The following SLC16A9 variants were observed in gnomAD, a reference collection of about 807,000 sequenced individuals.
The protein encoded by SLC16A9 is solute carrier family 16 member 9, also known as monocarboxylate transporter 9.
Under a neutral mutation model 44.3 loss-of-function variants are expected in SLC16A9, and 26 were observed. That is an observed-to-expected ratio of 0.59 (90% CI 0.43 to 0.81). The LOEUF (loss-of-function observed/expected upper bound fraction) is 0.81, where lower values mean the gene tolerates loss of function less well. SLC16A9 is among the 40% of genes least tolerant of loss of function. SLC16A9 has a pLI of 0.00. For missense variants in SLC16A9, 559 were observed against 595.8 expected (o/e 0.94, Z 0.64); for synonymous variants, 230 against 225.1 (o/e 1.02, Z -0.19).
At chr10:59,707,455 G>C (rs1840670017) in intron 1 of SLC16A9, among the ~76,000 whole-genome samples, 1 of 151,820 alleles carries the variant, frequency 6.6e-6, no homozygotes, top group South Asian at 2.1e-4. Flanking sequence ...GTTTGTCAAA[G>C]GATACAAAAT....
chr10:59,653,425 CA>C (rs562805430), intron 5 of SLC16A9, among the ~76,000 whole-genome samples: 1,012 of 36,742 alleles, frequency 0.028, 29 homozygotes, highest in African/African-American at 0.058. Flanking sequence ...AACTCCGTCT[CA>C]AAAAAAAAAA....
chr10:59,672,569 ATTGT>A (rs965147129), intron 3 of SLC16A9, among the ~76,000 whole-genome samples, 197 bp downstream of exon 3: 1 of 152,172 alleles, frequency 6.6e-6, no homozygotes, highest in African/African-American at 2.4e-5. Flanking sequence ...CAGAGTATGG[ATTGT>A]TTGTTCTTTC....
chr10:59,693,092 A>C lies in SLC16A9; in HGVS notation c.-36-8765T>G, dbSNP rs573237858. Among the ~76,000 whole-genome samples the C allele has an allele frequency of 9.2e-5, 14 of 152,298 alleles. No individual in the cohort carries two copies. In the South Asian group the frequency reaches 2.7e-3, roughly 29 times the overall value. On this transcript the variant is annotated intron_variant, in intron 1 of 5. Transcript: ENST00000395348. ...CTTTTGCCTTCCCATTTCTTAAGCA[A>C]TTTCATTTTATACTGTTCAAGGGGT...
At chr10:59,674,896 A>G (rs1443842850) in intron 2 of SLC16A9, among the ~76,000 whole-genome samples, 2 of 152,202 alleles carry the variant, frequency 1.3e-5, no homozygotes, top group African/African-American at 4.8e-5. Context: ...CATAACATGT[A>G]CAACCAAAGC....
At chr10:59,664,749 A>G (rs1278599247) in intron 3 of SLC16A9, among the ~76,000 whole-genome samples, 2 of 152,108 alleles carry the variant, frequency 1.3e-5, no homozygotes, top group Non-Finnish European at 2.9e-5. Flanking sequence ...TTTAAAATAC[A>G]CTTGATCACT....
intron 1 of SLC16A9, among the ~76,000 whole-genome samples, chr10:59,693,609 T>C (rs1269010769): frequency 7.3e-6 from 1 of 136,336 alleles, no homozygotes; most frequent in Non-Finnish European, 1.6e-5. Flanking sequence ...TAATTTTATG[T>C]ATTATTTATT....
At position 59,696,758 on chromosome 10, in the gene SLC16A9, G is replaced by A. The variant is rs1347880758; in HGVS notation, c.-36-12431C>T. On this transcript the variant is annotated intron_variant, in intron 1 of 5. Coordinates refer to ENST00000395348, the MANE Select transcript of SLC16A9 (RefSeq NM_194298.3). ...AGGAGTGTCTCTGCCCGGCCGCCCC[G>A]TCTGAGAAGTGAGGAGACCCTCTGC... 4.8e-4 allele frequency among the ~76,000 whole-genome samples: 71 copies of A among 148,214 alleles called. 1 individual carries two copies. The highest frequency in any genetic ancestry group is 3.0e-3 in the South Asian group (14 of 4,596).
rs182954890 is a variant in SLC16A9 at position 59,654,386 on chromosome 10, A to T, written c.640T>A (p.Tyr214Asn). ...TCCAGATTCTTTCCTTTTTCATTGT[A>T]AATGGAGTATTTATCTGGTAGATCT... ...PEDLPDKYSI[Y>N]NEKGKNLEEN... The change falls in exon 5 of 6, where the codon TAC (tyrosine) becomes AAC (asparagine). Residue 214 changes from tyrosine (Y) to asparagine (N), a missense_variant. Coordinates refer to ENST00000395348, the MANE Select transcript of SLC16A9 (RefSeq NM_194298.3). 4 of 1,613,854 alleles carry T rather than the reference A, an allele frequency of 2.5e-6. No homozygotes were observed. In the African/African-American group the frequency reaches 4.0e-5, roughly 16 times the overall value.
intron 1 of SLC16A9, among the ~76,000 whole-genome samples, chr10:59,694,730 G>A (rs1016194115): frequency 4.0e-5 from 6 of 148,678 alleles, no homozygotes; most frequent in African/African-American, 1.5e-4. Flanking sequence ...AACCCAGGAG[G>A]TGGAGGTTGC....
intron 2 of SLC16A9, among the ~76,000 whole-genome samples, chr10:59,675,760 T>C (rs1037791124): frequency 2.6e-5 from 4 of 152,208 alleles, no homozygotes; most frequent in African/African-American, 9.7e-5. Context: ...ACACTGCCTA[T>C]GCAGCAGTTG....
intron 4 of SLC16A9, among the ~76,000 whole-genome samples, chr10:59,661,933 T>C (rs1330151885): frequency 6.6e-6 from 1 of 152,182 alleles, no homozygotes; most frequent in Non-Finnish European, 1.5e-5. Flanking sequence ...GCTAGCCATA[T>C]GCAGAAAACT....
chr10:59,707,387 A>G (rs1016879319), intron 1 of SLC16A9, among the ~76,000 whole-genome samples: 77 of 151,576 alleles, frequency 5.1e-4, no homozygotes, highest in Non-Finnish European at 9.4e-4. Flanking sequence ...AAAATTGTTG[A>G]ACTCAGAGAA....
At chr10:59,693,910 C>T (rs1329564830) in intron 1 of SLC16A9, among the ~76,000 whole-genome samples, 1 of 149,186 alleles carries the variant, frequency 6.7e-6, no homozygotes, top group African/African-American at 2.5e-5. Flanking sequence ...AGCCACTGCA[C>T]CCGGCCTTTT....
At chr10:59,661,736 T>C (rs1450662171) in intron 4 of SLC16A9, among the ~76,000 whole-genome samples, 1 of 151,258 alleles carries the variant, frequency 6.6e-6, no homozygotes, top group Non-Finnish European at 1.5e-5. Context: ...TCACACTACC[T>C]GACTTCAAAC....
In SLC16A9 at chr10:59,653,979, T is replaced by A. The variant is rs762835493; in HGVS notation, c.1047A>T (p.Ile349=). 6.2e-7 allele frequency: 1 copy of A among 1,613,912 alleles called. No individual in the cohort carries two copies. Among genetic ancestry groups the A allele is most frequent in the Non-Finnish European group, 8.5e-7 (1 of 1,180,006 alleles). ...EEFIMPLISI[I]GIMTAVGKLL... Reference sequence around the variant, plus strand: ...GTTTACCAACTGCTGTCATAATGCCTATAATGGAAATAAGTGGCATAATAA... The same window carrying A: ...GTTTACCAACTGCTGTCATAATGCCAATAATGGAAATAAGTGGCATAATAA... Residue 349 remains isoleucine, a synonymous_variant, in exon 5 of 6, where the codon ATA becomes ATT. Transcript: ENST00000395348.
intron 1 of SLC16A9, among the ~76,000 whole-genome samples, chr10:59,700,103 T>G (rs1424234695): frequency 6.6e-6 from 1 of 152,184 alleles, no homozygotes; most frequent in Non-Finnish European, 1.5e-5. Context: ...TAGGCTGCTC[T>G]TAGATCATTG....
chr10:59,678,046 C>T (rs1247332856), intron 2 of SLC16A9, among the ~76,000 whole-genome samples: 1 of 125,602 alleles, frequency 8.0e-6, no homozygotes, highest in Non-Finnish European at 1.6e-5. Context: ...CTCCCCCCAC[C>T]CCACAACAGT....
rs371361616 is a variant in SLC16A9, at chr10:59,658,960, TC to T, written c.437-4372del. 9.9e-5 allele frequency among the ~76,000 whole-genome samples: 15 copies of T among 152,262 alleles called. No individual in the cohort carries two copies. In the East Asian group the frequency reaches 2.9e-3, roughly 29 times the overall value. On this transcript the variant is annotated intron_variant, in intron 4 of 5. Transcript: ENST00000395348. ...TTCAGGCTATCTAAAAGCCTGACCT[TC>T]CAGGGTTACCCACCTACCAGCAAGA...
At chr10:59,704,413 G>A (rs1245804012) in intron 1 of SLC16A9, among the ~76,000 whole-genome samples, 1 of 152,168 alleles carries the variant, frequency 6.6e-6, no homozygotes, top group African/African-American at 2.4e-5. Flanking sequence ...GGAAACTGAA[G>A]TTGAGAGACG....
Sources: allele counts gnomAD v4.1 joint callset (sites outside exome capture counted in the v4.1 genomes callset), GRCh38; gene constraint gnomAD v4.1.1; transcripts MANE v1.5; gene names NCBI Gene and HGNC (gene_info 2026-07-23, HGNC 2026-07-21).